Variants in BMP7 observed in about 807,000 individuals in gnomAD.
BMP7 encodes the protein osteogenic protein 1.
In BMP7, 12 loss-of-function variants were observed where a neutral mutation model predicts 41.2. That is an observed-to-expected ratio of 0.29 (90% CI 0.19 to 0.47). The LOEUF is 0.47. BMP7 is among the 20% of genes least tolerant of loss of function. The pLI is 0.99. For missense variants in BMP7, 467 were observed against 606.0 expected, an observed-to-expected ratio of 0.77 and a Z score of 2.41; for synonymous variants, 248 against 250.0, an observed-to-expected ratio of 0.99 and a Z score of 0.07.
intron 5 of BMP7, chr20:57,173,678 G>A (rs1983861263): frequency 2.9e-6 from 1 of 345,584 alleles, no homozygotes; most frequent in Non-Finnish European, 5.5e-6. Flanking sequence ...GCCCCACGGG[G>A]CTTGGCTGAT....
At chr20:57,184,189 T>C (rs1286593024) in intron 3 of BMP7, among the ~76,000 whole-genome samples, 4 of 152,108 alleles carry the variant, frequency 2.6e-5, no homozygotes, top group African/African-American at 9.7e-5. Flanking sequence ...GGAACCAGGC[T>C]GAGGGGTGCG....
At chr20:57,258,351 C>T (rs2066141849) in intron 1 of BMP7, among the ~76,000 whole-genome samples, 2 of 152,180 alleles carry the variant, frequency 1.3e-5, no homozygotes, top group Admixed American at 1.3e-4. Flanking sequence ...TGCAGCCTAA[C>T]CCCAGCTGCG....
intron 2 of BMP7, among the ~76,000 whole-genome samples, chr20:57,220,610 G>T (rs566328039): frequency 6.6e-6 from 1 of 152,282 alleles, no homozygotes; most frequent in East Asian, 1.9e-4. Context: ...ATGCATCCCA[G>T]TGTAAAGAAC....
rs10439570 is a variant in BMP7, at chr20:57,261,369, C to G, written c.418+4336G>C. On this transcript the variant is annotated intron_variant, in intron 1 of 6. Transcript: ENST00000395863. This position sits in a 1 kb window ranked among gnomAD's most constrained non-coding sequence, Gnocchi z 4.1. ...CCTTCCATGGGGACCGCTCCACAACCGAATGACAACCCTGGAACCAAAACC... is the reference window on the plus strand; with the variant it reads ...CCTTCCATGGGGACCGCTCCACAACGGAATGACAACCCTGGAACCAAAACC... 4.9e-4 allele frequency among the ~76,000 whole-genome samples: 75 copies of G among 152,258 alleles called. No homozygotes were observed. The highest frequency in any genetic ancestry group is 6.8e-3 in the Middle Eastern group (2 of 294).
At chr20:57,219,541 G>C (rs1354766799) in intron 2 of BMP7, among the ~76,000 whole-genome samples, 1 of 152,152 alleles carries the variant, frequency 6.6e-6, no homozygotes, top group East Asian at 1.9e-4. Flanking sequence ...GCAGAAGCCA[G>C]GGCTGCTACC....
At chr20:57,185,426 G>A (rs376707900) in intron 3 of BMP7, among the ~76,000 whole-genome samples, 16 of 152,248 alleles carry the variant, frequency 1.1e-4, no homozygotes, top group East Asian at 9.7e-4. Context: ...AAAGGTGTGA[G>A]AAAAAGGGGA....
chr20:57,234,955 A>G (rs77077763), intron 1 of BMP7, among the ~76,000 whole-genome samples: 4 of 152,388 alleles, frequency 2.6e-5, no homozygotes, highest in Non-Finnish European at 5.9e-5. Flanking sequence ...GAATTTCCAC[A>G]ACGTGAATGC....
At chr20:57,240,033 T>C (rs1475106526) in intron 1 of BMP7, among the ~76,000 whole-genome samples, 1 of 152,272 alleles carries the variant, frequency 6.6e-6, no homozygotes, top group African/African-American at 2.4e-5. Context: ...ATTAGGCTTC[T>C]TGCTACTTAT....
chr20:57,253,302 G>A (rs1026947243), intron 1 of BMP7, among the ~76,000 whole-genome samples: 1 of 152,192 alleles, frequency 6.6e-6, no homozygotes, highest in Non-Finnish European at 1.5e-5. Context: ...GGTCAAGTCA[G>A]TCAAAAACTG....
intron 3 of BMP7, among the ~76,000 whole-genome samples, chr20:57,195,505 C>T (rs2123081394): frequency 6.6e-6 from 1 of 152,370 alleles, no homozygotes; most frequent in South Asian, 2.1e-4. Context: ...ACTGGGTCAT[C>T]AGGCTTTCTC....
chr20:57,265,303 G>A (rs565942508), intron 1 of BMP7, among the ~76,000 whole-genome samples: 37 of 152,308 alleles, frequency 2.4e-4, no homozygotes, highest in African/African-American at 8.7e-4. Flanking sequence ...GGCTGAGAGG[G>A]GCCCAGGAAG....
intron 1 of BMP7, among the ~76,000 whole-genome samples, chr20:57,240,287 G>A (rs530890878): frequency 1.9e-4 from 29 of 152,280 alleles, no homozygotes; most frequent in South Asian, 1.7e-3. Flanking sequence ...AAAAAATGCC[G>A]TCAGGCTCTT....
chr20:57,212,296 C>T (rs1984909953), intron 2 of BMP7, among the ~76,000 whole-genome samples: 1 of 152,184 alleles, frequency 6.6e-6, no homozygotes, highest in Non-Finnish European at 1.5e-5. Flanking sequence ...CAGAGAGAAC[C>T]GAATGCGGAA....
chr20:57,249,765 G>T (rs546462351), intron 1 of BMP7, among the ~76,000 whole-genome samples: 4 of 152,184 alleles, frequency 2.6e-5, no homozygotes, highest in Non-Finnish European at 5.9e-5. Context: ...CTACTGTCAT[G>T]TTCACGGATG....
chr20:57,216,201 C>T (rs1285386702), intron 2 of BMP7, among the ~76,000 whole-genome samples: 2 of 152,146 alleles, frequency 1.3e-5, no homozygotes, highest in Admixed American at 1.3e-4. Context: ...CACCAGGTCC[C>T]AGAAGCTGTG....
chr20:57,240,270 G>T (rs6014962), intron 1 of BMP7, among the ~76,000 whole-genome samples: 11,698 of 152,154 alleles, frequency 0.077, 1,490 homozygotes, highest in African/African-American at 0.27. Context: ...AAATCTCTAG[G>T]GTGGGGAAAA....
intron 3 of BMP7, among the ~76,000 whole-genome samples, chr20:57,189,397 G>A (rs1445888333): frequency 6.6e-6 from 1 of 152,172 alleles, no homozygotes; most frequent in Non-Finnish European, 1.5e-5. Context: ...TGAAAATGTG[G>A]GGCCTCTTGT....
chr20:57,206,551 T>C (rs1984736270), intron 2 of BMP7, among the ~76,000 whole-genome samples: 1 of 152,192 alleles, frequency 6.6e-6, no homozygotes, highest in African/African-American at 2.4e-5. Context: ...TCCTGTATGA[T>C]ACGTGTTGTC....
chr20:57,230,039 C>T (rs1201003087), intron 1 of BMP7, among the ~76,000 whole-genome samples: 1 of 152,194 alleles, frequency 6.6e-6, no homozygotes, highest in Non-Finnish European at 1.5e-5. Flanking sequence ...AGGAGCATCC[C>T]TGTCTTTGGA....
Sources: allele counts gnomAD v4.1 joint callset (sites outside exome capture counted in the v4.1 genomes callset), GRCh38; gene constraint gnomAD v4.1.1; non-coding constraint Gnocchi (gnomAD v3.1); transcripts MANE v1.5; gene names NCBI Gene and HGNC (gene_info 2026-07-23, HGNC 2026-07-21).